Variants in ZNF609 observed in about 807,000 individuals in gnomAD.
ZNF609 encodes zinc finger protein 609.
A neutral mutation model predicts 109.5 loss-of-function variants in ZNF609; 11 were observed. The ratio of observed to expected loss-of-function variants is 0.10; its 90% CI spans 0.06 to 0.17. The LOEUF is 0.17. Among genes scored for constraint, ZNF609 ranks in the 10% least tolerant of loss-of-function variants. The pLI is 1.00. For missense variants in ZNF609, 1,559 were observed against 1,772.4 expected (o/e 0.88, Z 2.16); for synonymous variants, 646 against 662.0 (o/e 0.98, Z 0.37).
Position 64,680,676 on chromosome 15 carries a change from C to T in ZNF609, c.3976C>T (p.Arg1326Ter). Reference sequence around the variant, plus strand: ...TGATAAAACTTCTCAGGAGAGAGATCGAGGAGGCTGTGGGGTGGTTGGGGG... The same window carrying T: ...TGATAAAACTTCTCAGGAGAGAGATTGAGGAGGCTGTGGGGTGGTTGGGGG... ...ISDKTSQERDRGGCGVVGGGG... is the reference protein window; with the variant it reads ...ISDKTSQERD The change falls in exon 8 of 10, where the codon CGA becomes TGA. Residue 1326 changes from arginine (R) to a stop codon, truncating the protein, a stop_gained. Coordinates refer to ENST00000326648, the MANE Select transcript of ZNF609 (RefSeq NM_015042.2). LOFTEE classifies it high-confidence loss of function. 1 of 1,603,580 alleles carries T rather than the reference C, an allele frequency of 6.2e-7. No homozygotes were observed. Among genetic ancestry groups the T allele is most frequent in the Non-Finnish European group, 8.5e-7 (1 of 1,175,518 alleles).
At chr15:64,466,457 A>G (rs969512113) in intron 1 of ZNF609, among the ~76,000 whole-genome samples, 2 of 152,252 alleles carry the variant, frequency 1.3e-5, no homozygotes, top group African/African-American at 2.4e-5. Flanking sequence ...TTGAAGAGAA[A>G]TGAGCCATAT....
rs1235837872 is a variant in ZNF609, at chr15:64,505,693, G to A, written c.747+5527G>A. Among the ~76,000 whole-genome samples, 5 of 152,140 alleles carry A rather than the reference G, an allele frequency of 3.3e-5. No homozygotes were observed. In the South Asian group the frequency reaches 1.0e-3, roughly 32 times the overall value. On this transcript the variant is annotated intron_variant, in intron 2 of 9. Coordinates refer to ENST00000326648, the MANE Select transcript of ZNF609 (RefSeq NM_015042.2). ...TATGCCGAATAAGTTTTTGGGGTAA[G>A]GGCCCAGAAATCTGTACTTCCAGAA...
At position 64,595,428 on chromosome 15, in the gene ZNF609, A is replaced by G. The variant is rs1345226744; in HGVS notation, c.748-27399A>G. 6.6e-5 allele frequency among the ~76,000 whole-genome samples: 10 copies of G among 152,084 alleles called. No homozygotes were observed. In the East Asian group the frequency reaches 1.9e-3, roughly 29 times the overall value. ...CACCTAGGAGGAGATCCTGGCTGAC[A>G]ATGCAGCTGTGCCAGAGAAAACACC... On this transcript the variant is annotated intron_variant, in intron 2 of 9. Transcript: ENST00000326648.
At chr15:64,475,214 C>T (rs998253098) in intron 1 of ZNF609, among the ~76,000 whole-genome samples, 1 of 150,356 alleles carries the variant, frequency 6.7e-6, no homozygotes, top group Non-Finnish European at 1.5e-5. Flanking sequence ...CTACCTTGCT[C>T]CCAGGACAGT....
intron 3 of ZNF609, among the ~76,000 whole-genome samples, chr15:64,669,262 A>G (rs1896692294): frequency 1.3e-5 from 2 of 152,230 alleles, no homozygotes; most frequent in Admixed American, 1.3e-4. Flanking sequence ...AAGCATTTGT[A>G]CAAGATTATT....
intron 1 of ZNF609, among the ~76,000 whole-genome samples, chr15:64,474,091 AG>A (rs1268803035): frequency 2.0e-5 from 3 of 150,382 alleles, no homozygotes; most frequent in Non-Finnish European, 4.4e-5. Context: ...TATTTTTAGT[AG>A]AGACGGGGTT....
chr15:64,481,334 T>C (rs1893250545), intron 1 of ZNF609, among the ~76,000 whole-genome samples: 1 of 150,686 alleles, frequency 6.6e-6, no homozygotes. Flanking sequence ...TTTTTTTTTT[T>C]TTTGAGACGG....
intron 2 of ZNF609, among the ~76,000 whole-genome samples, chr15:64,510,389 A>G (rs1044160226): frequency 1.3e-5 from 2 of 151,418 alleles, no homozygotes; most frequent in African/African-American, 4.9e-5. Flanking sequence ...TTTTTTTTAT[A>G]CAGTTGGGAT....
chr15:64,546,095 G>A (rs953235942), intron 2 of ZNF609, among the ~76,000 whole-genome samples: 4 of 152,096 alleles, frequency 2.6e-5, no homozygotes, highest in African/African-American at 9.7e-5. Flanking sequence ...TTTCCTAAGT[G>A]GTTACACGAT....
intron 2 of ZNF609, among the ~76,000 whole-genome samples, chr15:64,557,210 C>G (rs1315020919): frequency 7.0e-6 from 1 of 143,566 alleles, no homozygotes; most frequent in African/African-American, 2.7e-5. Flanking sequence ...TTTTTGACAA[C>G]TTCTGATACC....
chr15:64,588,422 T>G (rs1895235146), intron 2 of ZNF609, among the ~76,000 whole-genome samples: 1 of 698 alleles, frequency 1.4e-3, no homozygotes, highest in African/African-American at 1.6e-3. Flanking sequence ...AGCGACACTC[T>G]GTCTAAAAAA....
At chr15:64,460,563 C>G (rs1361348531), upstream of ZNF609, among the ~76,000 whole-genome samples, 1 of 152,124 alleles carries the variant, frequency 6.6e-6, no homozygotes, top group Non-Finnish European at 1.5e-5. Flanking sequence ...GTGTCCGCGT[C>G]TTCCGGGTGA....
In ZNF609 at chr15:64,576,997, AATATATATATGTATGTATACACATAAAT is replaced by A. The variant is rs757032291; in HGVS notation, c.748-45821_748-45794del. 6.5e-3 allele frequency among the ~76,000 whole-genome samples: 795 copies of A among 122,516 alleles called. 64 individuals carry two copies. The highest frequency in any genetic ancestry group is 9.4e-3 in the Non-Finnish European group (569 of 60,564). 80.4% of individuals were successfully genotyped at this position (122,516 alleles called of 152,430 possible). ...ATATATATATGTATGTATACACATA[AATATATATATGTATGTATACACATAAAT>A]ATATATATGTATATATACACATAAA... On this transcript the variant is annotated intron_variant, in intron 2 of 9. Transcript: ENST00000326648.
rs371817996 is a variant in ZNF609, at chr15:64,520,283, C to T, written c.747+20117C>T. On this transcript the variant is annotated intron_variant, in intron 2 of 9. Transcript: ENST00000326648. ...CAGTTTATTGTAGGATGTTTCACAG[C>T]ATCCATACCTTTATCATATTCGCTC... Among the ~76,000 whole-genome samples the T allele has an allele frequency of 4.6e-5, 7 of 152,188 alleles. No individual in the cohort carries two copies. The South Asian group carries it at 6.2e-4, about 14-fold the overall frequency.
At chr15:64,571,273 G>C (rs962563126) in intron 2 of ZNF609, among the ~76,000 whole-genome samples, 4 of 152,100 alleles carry the variant, frequency 2.6e-5, no homozygotes, top group Non-Finnish European at 5.9e-5. Flanking sequence ...CTCATAAGAA[G>C]AGCTAATAAT....
At chr15:64,565,960 C>T (rs1894769770) in intron 2 of ZNF609, among the ~76,000 whole-genome samples, 1 of 152,076 alleles carries the variant, frequency 6.6e-6, no homozygotes. Flanking sequence ...GCAACCCTTC[C>T]ACATCAACCT....
At chr15:64,531,801 C>A (rs1336285864) in intron 2 of ZNF609, among the ~76,000 whole-genome samples, 1 of 152,130 alleles carries the variant, frequency 6.6e-6, no homozygotes, top group African/African-American at 2.4e-5. Context: ...CTTCCAACAC[C>A]CTTGTCAACT....
chr15:64,621,820 G>C (rs1409180266), intron 2 of ZNF609, among the ~76,000 whole-genome samples: 1 of 149,456 alleles, frequency 6.7e-6, no homozygotes, highest in Non-Finnish European at 1.5e-5. Context: ...CTGCCTCCCA[G>C]GTTCAAGCGA....
At chr15:64,640,185 C>G (rs1896233911) in intron 3 of ZNF609, among the ~76,000 whole-genome samples, 1 of 151,918 alleles carries the variant, frequency 6.6e-6, no homozygotes, top group Non-Finnish European at 1.5e-5. Flanking sequence ...CCTCCTCTCT[C>G]TTTTTTTAAA....
Sources: allele counts gnomAD v4.1 joint callset (sites outside exome capture counted in the v4.1 genomes callset), GRCh38; gene constraint gnomAD v4.1.1; transcripts MANE v1.5; gene names NCBI Gene and HGNC (gene_info 2026-07-23, HGNC 2026-07-21).